The following PASK variants were observed in gnomAD, a reference collection of about 807,000 sequenced individuals.
PASK encodes the protein PAS domain containing serine/threonine kinase.
In PASK, 110 loss-of-function variants were observed where a neutral mutation model predicts 121.0. The observed-to-expected ratio is 0.91, with a 90% CI of 0.78 to 1.06. PASK has a LOEUF of 1.06. Among genes scored for constraint, PASK ranks in the 50% least tolerant of loss-of-function variants. The probability of loss-of-function intolerance (pLI) is 0.00; values close to 1 mark genes in which losing one functional copy is unlikely to be tolerated. For missense variants in PASK, 1,643 were observed against 1,702.3 expected, an observed-to-expected ratio of 0.97 and a Z score of 0.61; for synonymous variants, 686 against 717.8, an observed-to-expected ratio of 0.96 and a Z score of 0.71.
At chr2:241,142,756 A>T in intron 2 of PASK, 81 bp downstream of exon 2, 1 of 1,090,022 alleles carries the variant, frequency 9.2e-7, no homozygotes, top group Non-Finnish European at 1.4e-6. Context: ...ATCCCTGGTG[A>T]GAGGGTTTCC....
intron 14 of PASK, chr2:241,114,352 C>T (rs958267477): frequency 3.0e-6 from 3 of 985,448 alleles, no homozygotes; most frequent in African/African-American, 1.7e-5. Flanking sequence ...AGCAAACAAT[C>T]CAAGAGCAAA....
In PASK at chr2:241,143,076, T is replaced by G. The variant is rs908961827; in HGVS notation, c.-42-2A>C. ...CTGCCAAGCTTCCAACTCTAACAAC[T>G]AGAAAACAACATGAAGCTGATTAAC... is the stretch of plus-strand genomic sequence containing the variant. On this transcript the variant is annotated splice_acceptor_variant, in intron 1 of 17. Coordinates refer to ENST00000234040, the MANE Select transcript of PASK (RefSeq NM_015148.4). LOFTEE classifies it low-confidence loss of function (5UTR_SPLICE). 2 of 1,404,188 alleles carry G rather than the reference T, an allele frequency of 1.4e-6. No homozygotes were observed. Among genetic ancestry groups the G allele is most frequent in the Non-Finnish European group, 2.0e-6 (2 of 990,170 alleles). 87.0% of individuals were successfully genotyped at this position (1,404,188 alleles called of 1,614,324 possible).
intron 1 of PASK, among the ~76,000 whole-genome samples, chr2:241,147,992 A>T (rs201818181): frequency 1.3e-5 from 2 of 152,186 alleles, no homozygotes; most frequent in Non-Finnish European, 2.9e-5. Flanking sequence ...CGTGCACTCC[A>T]CAGCCACAGC....
intron 15 of PASK, among the ~76,000 whole-genome samples, chr2:241,110,301 G>C (rs1376379861): frequency 6.6e-6 from 1 of 152,238 alleles, no homozygotes; most frequent in Non-Finnish European, 1.5e-5. Context: ...GCCTGAGGAA[G>C]GGGAAGAGGG....
At chr2:241,144,053 C>T (rs895551598) in intron 1 of PASK, among the ~76,000 whole-genome samples, 10 of 152,212 alleles carry the variant, frequency 6.6e-5, no homozygotes, top group Admixed American at 2.0e-4. Flanking sequence ...CCATCAGCCT[C>T]GTCCAGATTT....
At position 241,138,691 on chromosome 2, in the gene PASK, A is replaced by G. The variant is rs1274951949; in HGVS notation, c.704T>C (p.Val235Ala). 1 of 1,614,142 alleles carries G rather than the reference A, an allele frequency of 6.2e-7. No individual in the cohort carries two copies. Among genetic ancestry groups the G allele is most frequent in the Admixed American group, 1.7e-5 (1 of 60,036 alleles). ...AGCGACCCAGGTCGAGACCCTCTCC[A>G]CGGGCTCCAGGACCACCACGCAGCA... The part of the protein sequence containing the change: ...RLCCVVVLEP[V>A]ERVSTWVAFQ... The change falls in exon 5 of 18, where the codon GTG (valine) becomes GCG (alanine). Residue 235 changes from valine to alanine, a missense_variant. Val to Ala is a moderately conservative substitution (Grantham distance 64, BLOSUM62 0). Around this residue, in one of 3 missense-constraint regions of PASK, gnomAD observed 1,176 missense variants for 1,162.2 expected, o/e 1.01. Transcript: ENST00000234040.
At chr2:241,135,084 C>T (rs998295954) in intron 8 of PASK, among the ~76,000 whole-genome samples, 17 of 152,214 alleles carry the variant, frequency 1.1e-4, no homozygotes, top group African/African-American at 4.1e-4. Context: ...CCTCATTGCT[C>T]CCAGCCAGAG....
At chr2:241,148,525 G>GT (rs2067088878) in intron 1 of PASK, among the ~76,000 whole-genome samples, 1 of 152,196 alleles carries the variant, frequency 6.6e-6, no homozygotes, top group African/African-American at 2.4e-5. Flanking sequence ...CCAGAGAGGA[G>GT]TTCAGTACCC....
At chr2:241,117,953 A>G (rs946568061) in intron 12 of PASK, among the ~76,000 whole-genome samples, 16 of 151,212 alleles carry the variant, frequency 1.1e-4, no homozygotes, top group African/African-American at 3.7e-4. Context: ...AGACTTAACA[A>G]AAGAACAACA....
At position 241,149,454 on chromosome 2, in the gene PASK, C is replaced by G; in HGVS notation, c.-83G>C. On this transcript the variant is annotated 5_prime_UTR_variant, in exon 1 of 18. Coordinates refer to ENST00000234040, the MANE Select transcript of PASK (RefSeq NM_015148.4). ...GTCACGCCAAGCCGGCTACACACCA[C>G]GGAAAGGAGCCCTTCCGCGCTTTTA... The G allele has an allele frequency of 1.7e-6, 1 of 583,776 alleles. No homozygotes were observed. Among genetic ancestry groups the G allele is most frequent in the Non-Finnish European group, 3.0e-6 (1 of 330,994 alleles). 36.2% of individuals were successfully genotyped at this position (583,776 alleles called of 1,614,324 possible). A position where few individuals can be genotyped will look rare whatever the true frequency, so the allele number is the denominator to read the frequency against.
chr2:241,131,137 A>T (rs1229796328), intron 9 of PASK, among the ~76,000 whole-genome samples: 1 of 151,058 alleles, frequency 6.6e-6, no homozygotes, highest in East Asian at 2.0e-4. Flanking sequence ...AAAAACACAT[A>T]TGCATGTATT....
At chr2:241,113,975 G>A in intron 14 of PASK, 1 of 982,442 alleles carries the variant, frequency 1.0e-6, no homozygotes, top group Non-Finnish European at 1.2e-6. Flanking sequence ...TACAAAAGGG[G>A]TAGAGATTCT....
intron 2 of PASK, chr2:241,140,977 A>T: frequency 1.7e-6 from 1 of 586,260 alleles, no homozygotes; most frequent in Non-Finnish European, 3.1e-6. Flanking sequence ...ACAGCATAAG[A>T]TCAACACTTC....
intron 15 of PASK, chr2:241,109,930 C>G (rs953456254): frequency 6.6e-6 from 1 of 152,216 alleles, no homozygotes; most frequent in Non-Finnish European, 1.5e-5. Flanking sequence ...ACAGACGACA[C>G]ATAAGCAAAT....
intron 7 of PASK, among the ~76,000 whole-genome samples, chr2:241,136,504 C>T (rs959426896): frequency 6.6e-6 from 1 of 152,168 alleles, no homozygotes; most frequent in Non-Finnish European, 1.5e-5. Flanking sequence ...GGACACTGCC[C>T]ATAGCTGTAA....
intron 11 of PASK, among the ~76,000 whole-genome samples, chr2:241,123,543 C>A (rs576460093): frequency 7.6e-4 from 115 of 152,118 alleles, no homozygotes; most frequent in Non-Finnish European, 1.4e-3. Flanking sequence ...GAGGGCCAGG[C>A]GCAATGGCTC....
At chr2:241,121,025 TATGG>T (rs775706758) in intron 12 of PASK, among the ~76,000 whole-genome samples, 4 of 152,230 alleles carry the variant, frequency 2.6e-5, no homozygotes, top group Non-Finnish European at 5.9e-5. Flanking sequence ...CATGCTGCAA[TATGG>T]ATGAACCTTG....
intron 12 of PASK, among the ~76,000 whole-genome samples, chr2:241,116,690 G>GA (rs2065385694): frequency 6.6e-6 from 1 of 152,228 alleles, no homozygotes; most frequent in Non-Finnish European, 1.5e-5. Flanking sequence ...AAGTGTAACA[G>GA]AAAAAGATAC....
At chr2:241,126,119 A>G in intron 10 of PASK, 77 bp downstream of exon 10, 1 of 1,331,900 alleles carries the variant, frequency 7.5e-7, no homozygotes, top group Non-Finnish European at 1.1e-6. Flanking sequence ...CAGACCCCAG[A>G]ACAAGGAAGG....
Sources: gnomAD v4.1 joint callset for allele counts (sites outside exome capture counted in the v4.1 genomes callset) on GRCh38, gnomAD v4.1.1 for gene constraint, gnomAD v4.1.1 regional missense constraint, MANE v1.5 for transcripts, NCBI Gene and HGNC (gene_info 2026-07-23, HGNC 2026-07-21) for gene names.